The following CACNA2D1 variants were observed in gnomAD, a reference collection of about 807,000 sequenced individuals.
CACNA2D1 encodes the protein calcium voltage-gated channel auxiliary subunit alpha2delta 1.
A neutral mutation model predicts 171.5 loss-of-function variants in CACNA2D1; 53 were observed. The observed-to-expected ratio is 0.31, with a 90% CI of 0.25 to 0.39. The LOEUF is 0.39. Ranked by LOEUF, CACNA2D1 falls within the 10% of genes least tolerant of loss-of-function variation. The pLI is 1.00. For missense variants in CACNA2D1, 903 were observed against 1,299.8 expected (o/e 0.69, Z 4.69); for synonymous variants, 442 against 443.1 (o/e 1.00, Z 0.03).
chr7:82,366,917 T>C (rs1431444572), intron 1 of CACNA2D1, among the ~76,000 whole-genome samples: 2 of 143,658 alleles, frequency 1.4e-5, no homozygotes, highest in Admixed American at 7.0e-5. Flanking sequence ...TTTTTTTTTT[T>C]TTTTTTTTTG....
Position 82,192,034 on chromosome 7 carries a change from T to G in CACNA2D1, c.295-21425A>C, listed in dbSNP as rs1217588007. Among the ~76,000 whole-genome samples the G allele has an allele frequency of 2.0e-5, 3 of 151,648 alleles. No homozygotes were observed. In the East Asian group the frequency reaches 5.8e-4, roughly 29 times the overall value. ...TTGTATTTTCACAAATTCATGCATCTAAAAAAATGTTTGACTCTTCTCTAT... is the reference window on the plus strand; with the variant it reads ...TTGTATTTTCACAAATTCATGCATCGAAAAAAATGTTTGACTCTTCTCTAT... On this transcript the variant is annotated intron_variant, in intron 3 of 38. Transcript: ENST00000356860.
intron 1 of CACNA2D1, among the ~76,000 whole-genome samples, chr7:82,397,410 CT>C (rs1825854770): frequency 6.6e-6 from 1 of 151,608 alleles, no homozygotes; most frequent in African/African-American, 2.4e-5. Context: ...TCTTTTGGTC[CT>C]TCGTTTTTTT....
chr7:82,411,013 A>T (rs549233265), intron 1 of CACNA2D1, among the ~76,000 whole-genome samples: 2 of 152,312 alleles, frequency 1.3e-5, no homozygotes, highest in Admixed American at 1.3e-4. Flanking sequence ...TGGAAAACAA[A>T]ATGTTTATTC....
rs545356868 is a variant in CACNA2D1, at chr7:82,170,529, G to A, written c.354+21C>T. ...CAATATGTCAAGCTATTTAAATCAA[G>A]TAGTTAAAAGGGGTTCTTACTGCAA... On this transcript the variant is annotated intron_variant, in intron 4 of 38. Transcript: ENST00000356860. 21 of 1,575,596 alleles carry A rather than the reference G, an allele frequency of 1.3e-5. No individual in the cohort carries two copies. The East Asian group carries it at 3.4e-4, about 25-fold the overall frequency.
chr7:82,443,928 G>T (rs1320041510), upstream of CACNA2D1: 10 of 352,374 alleles, frequency 2.8e-5, no homozygotes, highest in Non-Finnish European at 4.6e-5. Context: ...GTGGAAGCGA[G>T]AGGCTCCGTC....
chr7:82,323,680 G>C (rs968358570), intron 3 of CACNA2D1, among the ~76,000 whole-genome samples: 20 of 152,232 alleles, frequency 1.3e-4, no homozygotes, highest in African/African-American at 4.8e-4. Flanking sequence ...TGTGAGTTTT[G>C]CAAGCCACTT....
At chr7:81,955,913 G>C (rs1373581444) in intron 38 of CACNA2D1, among the ~76,000 whole-genome samples, 1 of 112,214 alleles carries the variant, frequency 8.9e-6, no homozygotes, top group Non-Finnish European at 1.8e-5. Flanking sequence ...GGTGGGGGGG[G>C]GGGGGGGTGG....
At chr7:82,235,097 T>TA (rs965619332) in intron 3 of CACNA2D1, among the ~76,000 whole-genome samples, 2 of 152,098 alleles carry the variant, frequency 1.3e-5, no homozygotes, top group African/African-American at 2.4e-5. Flanking sequence ...GTGAGCACAC[T>TA]AAAAAAGGAA....
intron 3 of CACNA2D1, among the ~76,000 whole-genome samples, chr7:82,292,353 C>G (rs1213779688): frequency 1.3e-5 from 2 of 152,162 alleles, no homozygotes; most frequent in Admixed American, 6.5e-5. Context: ...CTGCTGACAT[C>G]AGTAATTGCC....
intron 1 of CACNA2D1, among the ~76,000 whole-genome samples, chr7:82,391,915 T>C (rs1260030651): frequency 1.3e-5 from 2 of 152,210 alleles, no homozygotes; most frequent in Non-Finnish European, 2.9e-5. Context: ...ACTTTCCTAT[T>C]TCATTAAATA....
intron 11 of CACNA2D1, among the ~76,000 whole-genome samples, chr7:82,035,489 T>C (rs1032976613): frequency 2.0e-5 from 3 of 152,170 alleles, no homozygotes; most frequent in Non-Finnish European, 4.4e-5. Context: ...TAGACTTACT[T>C]AGGGAACAAC....
chr7:82,270,881 T>C (rs1034151068), intron 3 of CACNA2D1, among the ~76,000 whole-genome samples: 1 of 152,156 alleles, frequency 6.6e-6, no homozygotes, highest in Admixed American at 6.5e-5. Context: ...TTATGTCCCA[T>C]TTCAAGCTAA....
intron 6 of CACNA2D1, among the ~76,000 whole-genome samples, chr7:82,092,705 T>C (rs1811349375): frequency 6.6e-6 from 1 of 151,966 alleles, no homozygotes; most frequent in Non-Finnish European, 1.5e-5. Context: ...TTCACAGCCA[T>C]TTTTATGAGA....
intron 1 of CACNA2D1, chr7:82,410,637 T>G: frequency 7.4e-6 from 3 of 407,638 alleles, no homozygotes; most frequent in Non-Finnish European, 9.9e-6. Flanking sequence ...CGAGTCTGAC[T>G]GAGCAGGCGC....
intron 21 of CACNA2D1, among the ~76,000 whole-genome samples, chr7:81,987,459 CTCATT>C (rs757082719): frequency 6.6e-6 from 1 of 152,080 alleles, no homozygotes; most frequent in Non-Finnish European, 1.5e-5. Context: ...CACTTTTCAA[CTCATT>C]TATCTCCATA....
At chr7:82,116,378 C>T (rs1300164540) in intron 6 of CACNA2D1, among the ~76,000 whole-genome samples, 13 of 152,100 alleles carry the variant, frequency 8.5e-5, no homozygotes, top group African/African-American at 2.7e-4. Flanking sequence ...CGCAAGCTTC[C>T]GCCACTATTT....
chr7:82,341,814 G>A (rs887089647), intron 2 of CACNA2D1, among the ~76,000 whole-genome samples: 1 of 151,826 alleles, frequency 6.6e-6, no homozygotes, highest in African/African-American at 2.4e-5. Flanking sequence ...TTGGGAGGCC[G>A]AGGTGGGCGG....
chr7:82,225,218 T>C (rs981970178), intron 3 of CACNA2D1, among the ~76,000 whole-genome samples: 7 of 152,194 alleles, frequency 4.6e-5, no homozygotes, highest in Non-Finnish European at 8.8e-5. Context: ...TAAATCACTC[T>C]GGATGCAGCA....
chr7:82,301,106 T>C (rs1441602676), intron 3 of CACNA2D1, among the ~76,000 whole-genome samples: 1 of 152,210 alleles, frequency 6.6e-6, no homozygotes, highest in Admixed American at 6.5e-5. Context: ...AGGTTTGCTA[T>C]CTTTTTTTAA....
Sources: allele counts gnomAD v4.1 joint callset (sites outside exome capture counted in the v4.1 genomes callset), GRCh38; gene constraint gnomAD v4.1.1; transcripts MANE v1.5; gene names NCBI Gene and HGNC (gene_info 2026-07-23, HGNC 2026-07-21).